Variants in PCSK5 observed in about 807,000 individuals in gnomAD.
PCSK5 encodes proprotein convertase subtilisin/kexin type 5, also known as prohormone convertase 5.
A neutral mutation model predicts 233.2 loss-of-function variants in PCSK5; 129 were observed. The observed-to-expected ratio is 0.55, with a 90% CI of 0.48 to 0.64. The LOEUF is 0.64. Ranked by LOEUF, PCSK5 falls within the 30% of genes least tolerant of loss-of-function variation. The pLI is 0.00. For missense variants in PCSK5, 2,076 were observed against 2,430.1 expected (o/e 0.85, Z 3.06); for synonymous variants, 825 against 879.2 (o/e 0.94, Z 1.09).
Position 76,189,616 on chromosome 9 carries a change from A to G in PCSK5, c.2511-15A>G. The G allele has an allele frequency of 6.5e-7, 1 of 1,532,354 alleles. No individual in the cohort carries two copies. 94.9% of individuals were successfully genotyped at this position (1,532,354 alleles called of 1,614,324 possible). ...ATGTGTGAATGGATTAAAAAATTGT[A>G]CATTTTTCTCATAGATGTGATATCA... On this transcript the variant is annotated splice_polypyrimidine_tract_variant and intron_variant, in intron 19 of 37. Transcript: ENST00000674117.
At chr9:75,904,784 A>C (rs1826189292) in intron 1 of PCSK5, among the ~76,000 whole-genome samples, 1 of 152,230 alleles carries the variant, frequency 6.6e-6, no homozygotes, top group Non-Finnish European at 1.5e-5. Context: ...ATGACCCAGC[A>C]GTTCTCTCCT....
chr9:75,995,258 T>TA (rs1404614491), intron 3 of PCSK5, among the ~76,000 whole-genome samples: 20 of 152,196 alleles, frequency 1.3e-4, no homozygotes, highest in Admixed American at 5.9e-4. Flanking sequence ...TCCCATTAGA[T>TA]ACATTCCATG....
chr9:75,932,460 A>G lies in PCSK5; in HGVS notation c.274A>G (p.Ser92Gly). Residue 92 changes from serine to glycine, a missense_variant, in exon 2 of 38, where the codon AGT becomes GGT. Coordinates refer to ENST00000674117, the MANE Select transcript of PCSK5 (RefSeq NM_001372043.1). ...RSVISSRGTH[S>G]FISMEPKVEW... is the part of the protein sequence containing the mutation. ...AGTTATCTCGAGCAGAGGGACCCAC[A>G]GTTTCATTTCAATGGAACCAAAGGT... 6.2e-7 allele frequency: 1 copy of G among 1,610,706 alleles called. No individual in the cohort carries two copies. The highest frequency in any genetic ancestry group is 8.5e-7 in the Non-Finnish European group (1 of 1,176,888).
Position 76,020,432 on chromosome 9 carries a change from G to C in PCSK5, c.412-3306G>C, listed in dbSNP as rs557801846. Among the ~76,000 whole-genome samples the C allele has an allele frequency of 9.3e-4, 141 of 152,258 alleles. 1 individual carries two copies. The highest frequency in any genetic ancestry group is 2.9e-3 in the African/African-American group (121 of 41,548). On this transcript the variant is annotated intron_variant, in intron 3 of 37. Coordinates refer to ENST00000674117, the MANE Select transcript of PCSK5 (RefSeq NM_001372043.1). ...ATTAAAAGTCGAAGATCCACATTCA[G>C]GATTCAGGGTTCTGATTTAAATGCC...
chr9:76,286,666 A>C (rs576246496), intron 24 of PCSK5: 2 of 160,610 alleles, frequency 1.2e-5, no homozygotes, highest in African/African-American at 4.8e-5. Flanking sequence ...GGACAGGGCA[A>C]TAGCAGTTGA....
At chr9:76,001,467 G>GATT (rs746213929) in intron 3 of PCSK5, among the ~76,000 whole-genome samples, 1 of 53,120 alleles carries the variant, frequency 1.9e-5, no homozygotes, top group Non-Finnish European at 4.2e-5. Flanking sequence ...TACCATCATA[G>GATT]CTTTTTTTTT....
chr9:76,044,492 C>T (rs1389915393), intron 5 of PCSK5, among the ~76,000 whole-genome samples: 2 of 152,138 alleles, frequency 1.3e-5, no homozygotes, highest in East Asian at 1.9e-4. Flanking sequence ...AGTCTTATTA[C>T]CACTGGGAGA....
intron 21 of PCSK5, among the ~76,000 whole-genome samples, chr9:76,230,612 T>C (rs1298984849): frequency 6.6e-6 from 1 of 152,178 alleles, no homozygotes; most frequent in African/African-American, 2.4e-5. Flanking sequence ...GAGCAGCAAG[T>C]GAGCAAGTGA....
Position 76,338,452 on chromosome 9 carries a change from G to A in PCSK5, c.4966+5G>A. ...CGACTTGTGATCAATGCAAAGGTGA[G>A]AGTCTACCTGTCATTTTGCATGAGT... On this transcript the variant is annotated splice_donor_5th_base_variant and intron_variant, in intron 35 of 37. Coordinates refer to ENST00000674117, the MANE Select transcript of PCSK5 (RefSeq NM_001372043.1). 1 of 1,590,126 alleles carries A rather than the reference G, an allele frequency of 6.3e-7. No individual in the cohort carries two copies. Among genetic ancestry groups the A allele is most frequent in the Non-Finnish European group, 8.6e-7 (1 of 1,159,528 alleles).
chr9:76,224,436 G>A (rs1825820442), intron 20 of PCSK5, among the ~76,000 whole-genome samples: 1 of 152,164 alleles, frequency 6.6e-6, no homozygotes, highest in African/African-American at 2.4e-5. Flanking sequence ...AAAAGCCAAG[G>A]GAACTCAGAC....
intron 1 of PCSK5, among the ~76,000 whole-genome samples, chr9:75,898,478 C>T (rs1336656144): frequency 6.6e-6 from 1 of 152,062 alleles, no homozygotes; most frequent in Non-Finnish European, 1.5e-5. Flanking sequence ...GTCGTATCCC[C>T]ACATGTGGGC....
At chr9:75,994,006 T>C (rs999735850) in intron 3 of PCSK5, among the ~76,000 whole-genome samples, 10 of 152,202 alleles carry the variant, frequency 6.6e-5, no homozygotes, top group East Asian at 1.9e-4. Context: ...ACAATTCTAA[T>C]TGGGGAATGG....
Position 76,354,036 on chromosome 9 carries a change from G to T in PCSK5, c.5071G>T (p.Glu1691Ter). 6.2e-7 allele frequency: 1 copy of T among 1,607,268 alleles called. No homozygotes were observed. Among genetic ancestry groups the T allele is most frequent in the Non-Finnish European group, 8.5e-7 (1 of 1,177,208 alleles). ...LVGEYRVGEG[E>*]KFNCEKCHES... ...ACCTCTTGATTGCTCTTAACAGGGA[G>T]AGAAGTTTAACTGTGAAAAATGCCA... Residue 1691 changes from glutamate (E) to a stop codon, truncating the protein, a stop_gained, in exon 37 of 38, where the codon GAG (glutamate) becomes TAG (stop). Coordinates refer to ENST00000674117, the MANE Select transcript of PCSK5 (RefSeq NM_001372043.1). LOFTEE classifies it high-confidence loss of function.
intron 9 of PCSK5, among the ~76,000 whole-genome samples, chr9:76,121,118 A>G (rs1335761226): frequency 6.6e-6 from 1 of 151,888 alleles, no homozygotes; most frequent in Admixed American, 6.6e-5. Context: ...TTTCTTTTTT[A>G]CCTTCTGTTT....
chr9:76,317,143 T>C (rs1334134025), intron 30 of PCSK5, among the ~76,000 whole-genome samples: 2 of 152,202 alleles, frequency 1.3e-5, no homozygotes, highest in East Asian at 3.9e-4. Flanking sequence ...GGCAGATCAC[T>C]TGAGGTCAGG....
intron 20 of PCSK5, among the ~76,000 whole-genome samples, chr9:76,225,218 G>A (rs905944376): frequency 5.3e-5 from 8 of 152,252 alleles, no homozygotes; most frequent in Admixed American, 3.3e-4. Context: ...TAAATCACTC[G>A]CATAAAATCT....
intron 24 of PCSK5, among the ~76,000 whole-genome samples, chr9:76,257,240 C>T (rs1383433734): frequency 6.6e-6 from 1 of 152,124 alleles, no homozygotes; most frequent in Non-Finnish European, 1.5e-5. Flanking sequence ...CTCCCTATGC[C>T]ACAACCAAAC....
chr9:76,164,784 G>A (rs1823024384), intron 12 of PCSK5, among the ~76,000 whole-genome samples: 1 of 152,052 alleles, frequency 6.6e-6, no homozygotes, highest in Admixed American at 6.6e-5. Context: ...TTACAAAGGG[G>A]CTTATAATAT....
intron 12 of PCSK5, among the ~76,000 whole-genome samples, chr9:76,163,251 A>C (rs943122112): frequency 6.6e-6 from 1 of 152,226 alleles, no homozygotes; most frequent in Non-Finnish European, 1.5e-5. Flanking sequence ...GTTTTCTGAG[A>C]AGTGCTGAAC....
Sources: gnomAD v4.1 joint callset for allele counts (sites outside exome capture counted in the v4.1 genomes callset) on GRCh38, gnomAD v4.1.1 for gene constraint, MANE v1.5 for transcripts, NCBI Gene and HGNC (gene_info 2026-07-23, HGNC 2026-07-21) for gene names.